Variants in GREB1 observed in about 807,000 individuals in gnomAD.
GREB1 encodes growth regulating estrogen receptor binding 1.
GREB1 carries 106 observed loss-of-function variants against 200.7 expected under a neutral mutation model. That is an observed-to-expected ratio of 0.53 (90% CI 0.45 to 0.62). The LOEUF is 0.62. GREB1 is among the 20% of genes least tolerant of loss of function. The pLI is 0.00. For missense variants in GREB1, 2,243 were observed against 2,556.8 expected (o/e 0.88, Z 2.65); for synonymous variants, 1,132 against 1,092.4 (o/e 1.04, Z -0.72).
At chr2:11,606,213 G>A (rs938186001) in intron 17 of GREB1, among the ~76,000 whole-genome samples, 17 of 152,142 alleles carry the variant, frequency 1.1e-4, no homozygotes, top group African/African-American at 3.9e-4. Flanking sequence ...TTTTTGATTT[G>A]CATTTGGTTA....
rs1447281813 is a variant in GREB1 at position 11,507,403 on chromosome 2, C to A, written c.-159+25022C>A. Among the ~76,000 whole-genome samples, 272 of 138,758 alleles carry A rather than the reference C, an allele frequency of 2.0e-3. 1 individual carries two copies. Among genetic ancestry groups the A allele is most frequent in the South Asian group, 2.5e-3 (11 of 4,416 alleles). The allele number at this position is 138,758 out of a possible 152,430, so 91.0% of individuals were successfully genotyped here. ...CAGCCTGGGCAACAGAGCAAGACTC[C>A]AAAAAAAAAAAAAAACCATAAACCG... On this transcript the variant is annotated intron_variant, in intron 1 of 2. Transcript: ENST00000628795.
At position 11,493,573 on chromosome 2, in the gene GREB1, G is replaced by C. The variant is rs749618174; in HGVS notation, c.-159+11192G>C. 5.5e-4 allele frequency among the ~76,000 whole-genome samples: 83 copies of C among 152,192 alleles called. No homozygotes were observed. The highest frequency in any genetic ancestry group is 3.3e-3 in the Admixed American group (50 of 15,282). On this transcript the variant is annotated intron_variant, in intron 1 of 2. Transcript: ENST00000628795. This position sits in a 1 kb window ranked among gnomAD's most constrained non-coding sequence, Gnocchi z 4.6. ...CTGCTTCCTAACAGGCCATGGACCA[G>C]TACCAGTCTGTGGCCCGGGGACTGG...
At chr2:11,540,026 C>A (rs73915408) in intron 1 of GREB1, 2,826 of 152,522 alleles carry the variant, frequency 0.019, 99 homozygotes, top group African/African-American at 0.064. Context: ...GGCGGGAGCC[C>A]CTGCACACTT....
At position 11,627,063 on chromosome 2, in the gene GREB1, G is replaced by A. The variant is rs775746833; in HGVS notation, c.4408G>A (p.Glu1470Lys). 3 of 1,613,082 alleles carry A rather than the reference G, an allele frequency of 1.9e-6. No individual in the cohort carries two copies. The highest frequency in any genetic ancestry group is 2.5e-6 in the Non-Finnish European group (3 of 1,179,440). The stretch of plus-strand genomic sequence containing the variant: ...AGCGTACAACACTTACCACCACTGT[G>A]AGCAGTGCCACCAGTACATGGGCTT... ...YAAYNTYHHC[E>K]QCHQYMGFHP... The change falls in exon 25 of 33, where the codon GAG becomes AAG. Residue 1470 changes from glutamate (E) to lysine (K), a missense_variant. Glu to Lys is a moderately conservative substitution (Grantham distance 56). Around this residue, in one of 3 missense-constraint regions of GREB1, gnomAD observed 587 missense variants for 553.1 expected, o/e 1.06. Coordinates refer to ENST00000381486, the MANE Select transcript of GREB1 (RefSeq NM_014668.4).
chr2:11,611,941 C>A (rs1181159262), intron 18 of GREB1, among the ~76,000 whole-genome samples: 1 of 152,126 alleles, frequency 6.6e-6, no homozygotes, highest in Non-Finnish European at 1.5e-5. Context: ...CACCTGTAAT[C>A]CCAGCACTTT....
At chr2:11,489,932 C>T (rs917846273) in intron 1 of GREB1, among the ~76,000 whole-genome samples, 1 of 145,904 alleles carries the variant, frequency 6.9e-6, no homozygotes, top group African/African-American at 2.6e-5. Context: ...AATTGTAGTA[C>T]AATAACATAT....
chr2:11,496,946 G>A (rs2148416686), intron 1 of GREB1, among the ~76,000 whole-genome samples: 1 of 152,132 alleles, frequency 6.6e-6, no homozygotes, highest in East Asian at 1.9e-4. Flanking sequence ...GCCTCGAACT[G>A]TCATGCCTGG....
At chr2:11,525,990 C>T (rs780544589) in intron 1 of GREB1, among the ~76,000 whole-genome samples, 1 of 152,134 alleles carries the variant, frequency 6.6e-6, no homozygotes, top group Non-Finnish European at 1.5e-5. Context: ...GTGGGTGGTG[C>T]TTCTAAGGCG....
intron 3 of GREB1, chr2:11,562,827 T>G (rs573801172): frequency 5.3e-6 from 2 of 375,648 alleles, no homozygotes; most frequent in African/African-American, 4.2e-5. Flanking sequence ...TGCCACTCTT[T>G]GGACAGTCTC....
chr2:11,606,963 A>T lies in GREB1; in HGVS notation c.2667-3725A>T, dbSNP rs373210651. Among the ~76,000 whole-genome samples, 3 of 151,928 alleles carry T rather than the reference A, an allele frequency of 2.0e-5. No homozygotes were observed. The South Asian group carries it at 6.2e-4, about 32-fold the overall frequency. Reference sequence around the variant, plus strand: ...ACGCCCAGCTAATTTTTGTATTTTTAGTAGAGACAGGGTTTCACCATGTTA... The same window carrying T: ...ACGCCCAGCTAATTTTTGTATTTTTTGTAGAGACAGGGTTTCACCATGTTA... On this transcript the variant is annotated intron_variant, in intron 17 of 32. Transcript: ENST00000381486.
chr2:11,520,120 A>C (rs1673653400), intron 1 of GREB1, among the ~76,000 whole-genome samples: 1 of 152,204 alleles, frequency 6.6e-6, no homozygotes, highest in South Asian at 2.1e-4. Flanking sequence ...TCTGGGAGAC[A>C]GAGTGAGACC....
intron 1 of GREB1, among the ~76,000 whole-genome samples, chr2:11,495,623 C>T (rs764365893): frequency 2.0e-5 from 3 of 152,034 alleles, no homozygotes; most frequent in Non-Finnish European, 2.9e-5. Context: ...TTATTATCCT[C>T]GTTTTGCAGA....
intron 1 of GREB1, among the ~76,000 whole-genome samples, chr2:11,513,196 T>C (rs557367033): frequency 3.3e-5 from 5 of 152,320 alleles, no homozygotes; most frequent in East Asian, 1.9e-4. Context: ...CTATCCTCTT[T>C]ATTTTCCCAC....
rs1490886572 is a variant in GREB1, at chr2:11,538,758, TTCTTCCTTCCTTCCTTCCCG to T, written c.-162+4524_-162+4543del. On this transcript the variant is annotated intron_variant, in intron 1 of 32. Coordinates refer to ENST00000381486, the MANE Select transcript of GREB1 (RefSeq NM_014668.4). ...ACTTTCCCTTCCTTCTTTCCTTCCT[TTCTTCCTTCCTTCCTTCCCG>T]TCTTCCTTCCTTCCTTCCCTTCTTT... Among the ~76,000 whole-genome samples the T allele has an allele frequency of 1.1e-4, 7 of 62,050 alleles. 2 individuals are homozygous for T. In the East Asian group the frequency reaches 3.9e-3, roughly 34 times the overall value. The allele number at this position is 62,050 out of a possible 152,430, so 40.7% of individuals were successfully genotyped here.
chr2:11,521,356 T>C (rs971235632), intron 1 of GREB1, among the ~76,000 whole-genome samples: 4 of 152,158 alleles, frequency 2.6e-5, no homozygotes, highest in African/African-American at 9.7e-5. Context: ...GCAATTGGCC[T>C]ACCCTGGTCT....
At chr2:11,521,196 C>T (rs1469695292) in intron 1 of GREB1, among the ~76,000 whole-genome samples, 1 of 152,120 alleles carries the variant, frequency 6.6e-6, no homozygotes, top group Non-Finnish European at 1.5e-5. Flanking sequence ...TAGCCTTGAC[C>T]TCCCTGGGCT....
intron 5 of GREB1, 42 bp downstream of exon 5, chr2:11,576,577 C>T (rs1678877952): frequency 6.6e-7 from 1 of 1,525,506 alleles, no homozygotes; most frequent in South Asian, 1.2e-5. Flanking sequence ...AGTGCTGGGC[C>T]CCCAAGTGGG....
At chr2:11,625,403 G>A (rs1027209367) in intron 24 of GREB1, 91 bp downstream of exon 24, 3 of 1,297,536 alleles carry the variant, frequency 2.3e-6, no homozygotes, top group Admixed American at 1.8e-5. Context: ...CATGAAATCA[G>A]GTGGTGATGA....
chr2:11,578,194 C>T (rs1232434370), intron 5 of GREB1, 103 bp from the exon 6 acceptor site: 2 of 1,290,664 alleles, frequency 1.5e-6, no homozygotes, highest in East Asian at 2.3e-5. Flanking sequence ...GTGGCTGTCT[C>T]CATAGCTCAC....
Sources: gnomAD v4.1 joint callset for allele counts (sites outside exome capture counted in the v4.1 genomes callset) on GRCh38, gnomAD v4.1.1 for gene constraint, gnomAD v4.1.1 regional missense constraint, Gnocchi (gnomAD v3.1) non-coding constraint, MANE v1.5 for transcripts, NCBI Gene and HGNC (gene_info 2026-07-23, HGNC 2026-07-21) for gene names.